The following COG4 variants were observed in gnomAD, a reference collection of about 807,000 sequenced individuals.
COG4 encodes component of oligomeric golgi complex 4.
Under a neutral mutation model 95.1 loss-of-function variants are expected in COG4, and 65 were observed. The ratio of observed to expected loss-of-function variants is 0.68; its 90% CI spans 0.56 to 0.84. The LOEUF (loss-of-function observed/expected upper bound fraction) is 0.84, where lower values mean the gene tolerates loss of function less well. COG4 is among the 40% of genes least tolerant of loss of function. The pLI, the probability that COG4 is intolerant of heterozygous loss-of-function variation, is 0.00. For missense variants in COG4, 1,045 were observed against 989.1 expected, an observed-to-expected ratio of 1.06 and a Z score of -0.76; for synonymous variants, 421 against 374.8, an observed-to-expected ratio of 1.12 and a Z score of -1.42.
intron 1 of COG4, among the ~76,000 whole-genome samples, chr16:70,519,959 T>C (rs1003512945): frequency 6.6e-6 from 1 of 152,146 alleles, no homozygotes; most frequent in South Asian, 2.1e-4. Flanking sequence ...TAGGAAGAAA[T>C]AAACTTTTAA....
intron 12 of COG4, among the ~76,000 whole-genome samples, chr16:70,494,221 G>A (rs190365225): frequency 7.5e-4 from 114 of 152,244 alleles, no homozygotes; most frequent in Non-Finnish European, 1.1e-3. Context: ...TGTTTCCAAG[G>A]CATTTAAGAG....
intron 1 of COG4, 185 bp downstream of exon 1, chr16:70,523,188 G>C (rs1012771777): frequency 1.1e-5 from 7 of 660,476 alleles, no homozygotes; most frequent in South Asian, 8.9e-5. Context: ...AGACAAGCTC[G>C]GCGCGTCCGA....
At chr16:70,490,433 G>C in intron 12 of COG4, 41 bp from the exon 13 acceptor site, 1 of 1,549,610 alleles carries the variant, frequency 6.5e-7, no homozygotes, top group Non-Finnish European at 8.9e-7. Flanking sequence ...CCTGCTGACT[G>C]TGCCTGCCAC....
In COG4 at chr16:70,481,376, T is replaced by G. The variant is rs2048988131; in HGVS notation, c.2218A>C (p.Ile740Leu). 1 of 1,613,224 alleles carries G rather than the reference T, an allele frequency of 6.2e-7. No individual in the cohort carries two copies. Among genetic ancestry groups the G allele is most frequent in the Middle Eastern group, 1.7e-4 (1 of 6,060 alleles). Residue 740 changes from isoleucine to leucine, a missense_variant, in exon 18 of 19, where the codon ATC (isoleucine) becomes CTC (leucine). Ile to Leu is a conservative substitution (Grantham distance 5). Coordinates refer to ENST00000323786, the MANE Select transcript of COG4 (RefSeq NM_015386.3). ...CCACCTACCCGCTCCAGATTGAGGATGGTGGCCATCTGGGAGAGCCGGGCA... is the reference window on the plus strand; with the variant it reads ...CCACCTACCCGCTCCAGATTGAGGAGGGTGGCCATCTGGGAGAGCCGGGCA... ...KFARLSQMATILNLERVTEIL... is the reference protein window; with the variant it reads ...KFARLSQMATLLNLERVTEIL...
At chr16:70,502,922 G>C (rs1011337469) in intron 8 of COG4, among the ~76,000 whole-genome samples, 1 of 152,192 alleles carries the variant, frequency 6.6e-6, no homozygotes, top group African/African-American at 2.4e-5. Context: ...AAACAACGAA[G>C]GGTCTTTTCA....
intron 13 of COG4, among the ~76,000 whole-genome samples, chr16:70,486,756 G>A (rs1465977356): frequency 6.6e-6 from 1 of 152,196 alleles, no homozygotes; most frequent in Non-Finnish European, 1.5e-5. Flanking sequence ...CAGCACTTTG[G>A]GAGGCCGAGG....
At chr16:70,482,687 A>AG (rs1324967379) in intron 15 of COG4, 42 bp downstream of exon 15, 1 of 1,506,152 alleles carries the variant, frequency 6.6e-7, no homozygotes, top group South Asian at 1.1e-5. Context: ...GCTAGGGATG[A>AG]GGGGTCATCG....
chr16:70,499,839 T>G (rs978800277), intron 9 of COG4, among the ~76,000 whole-genome samples: 1 of 152,082 alleles, frequency 6.6e-6, no homozygotes, highest in Admixed American at 6.6e-5. Flanking sequence ...TTTTTGTATT[T>G]TTAGTAGAGA....
At chr16:70,485,919 G>T (rs540072724) in intron 13 of COG4, among the ~76,000 whole-genome samples, 1 of 136,580 alleles carries the variant, frequency 7.3e-6, no homozygotes, top group African/African-American at 2.8e-5. Flanking sequence ...CTTTTGAGAC[G>T]GAGTCTTGCT....
At chr16:70,512,212 A>G (rs776877667) in intron 5 of COG4, 27 bp downstream of exon 5, 1 of 1,609,848 alleles carries the variant, frequency 6.2e-7, no homozygotes, top group Non-Finnish European at 8.5e-7. Context: ...CCACACAATT[A>G]TCCTGCCAAG....
At position 70,481,470 on chromosome 16, in the gene COG4, AAACTGCAGACCACCC is replaced by A; in HGVS notation, c.2109_2123del (p.Gly704_Phe708del). On this transcript the variant is annotated inframe_deletion and splice_region_variant, in exon 18 of 19. Coordinates refer to ENST00000323786, the MANE Select transcript of COG4 (RefSeq NM_015386.3). ...CAATGAGCGACCTCAGCTCCTTGTC[AAACTGCAGACCACCC>A]AGCTGCAGGAGAACCCAAGCCCAGT... 1 of 1,612,502 alleles carries A rather than the reference AAACTGCAGACCACCC, an allele frequency of 6.2e-7. No individual in the cohort carries two copies. Among genetic ancestry groups the A allele is most frequent in the Non-Finnish European group, 8.5e-7 (1 of 1,179,988 alleles).
rs753030937 is a variant in COG4 at position 70,497,941 on chromosome 16, T to C, written c.1310A>G (p.Asn437Ser). The C allele has an allele frequency of 1.2e-5, 19 of 1,565,090 alleles. No individual in the cohort carries two copies. The highest frequency in any genetic ancestry group is 1.7e-4 in the Middle Eastern group (1 of 5,980). Residue 437 changes from asparagine (N) to serine (S), a missense_variant, in exon 10 of 19, where the codon AAT (asparagine) becomes AGT (serine). Coordinates refer to ENST00000323786, the MANE Select transcript of COG4 (RefSeq NM_015386.3). Reference sequence around the variant, plus strand: ...GAGATGCGTCCTATGTCCTACCTTATTGACAGTCTCCCTCATGAAGTACTC... The same window carrying C: ...GAGATGCGTCCTATGTCCTACCTTACTGACAGTCTCCCTCATGAAGTACTC... Reference protein sequence around the residue: ...MEEYFMRETVNKAVALDTYEK... With the variant: ...MEEYFMRETVSKAVALDTYEK...
At chr16:70,516,101 T>A (rs187714956) in intron 3 of COG4, 3 of 454,510 alleles carry the variant, frequency 6.6e-6, no homozygotes, top group African/African-American at 6.0e-5. Flanking sequence ...GAGGTGATCA[T>A]GTGTTTTTTG....
Position 70,497,908 on chromosome 16 carries a change from A to G in COG4, c.1314+29T>C, listed in dbSNP as rs775266420. 2.3e-6 allele frequency: 3 copies of G among 1,332,032 alleles called. No individual in the cohort carries two copies. The African/African-American group carries it at 4.3e-5, about 19-fold the overall frequency. 82.5% of individuals were successfully genotyped at this position (1,332,032 alleles called of 1,614,324 possible). On this transcript the variant is annotated intron_variant, in intron 10 of 18. Transcript: ENST00000323786. ...CCTGGCTTCTTGGACCGGAAGCCCC[A>G]TTTCCAAGAGATGCGTCCTATGTCC...
In COG4 at chr16:70,480,941, C is replaced by G; in HGVS notation, c.*69G>C. On this transcript the variant is annotated 3_prime_UTR_variant, in exon 19 of 19. Coordinates refer to ENST00000323786, the MANE Select transcript of COG4 (RefSeq NM_015386.3). ...CCCCAAGCCAGACAGCCTCGCTCAG[C>G]TCCTTGGCTGGGGCCCCTTAGGGAA... is the stretch of plus-strand genomic sequence containing the variant. The G allele has an allele frequency of 6.3e-7, 1 of 1,590,812 alleles. No homozygotes were observed. The highest frequency in any genetic ancestry group is 8.6e-7 in the Non-Finnish European group (1 of 1,166,676).
At chr16:70,490,497 G>A (rs576084598) in intron 12 of COG4, 105 bp from the exon 13 acceptor site, 1 of 908,330 alleles carries the variant, frequency 1.1e-6, no homozygotes, top group Non-Finnish European at 1.8e-6. Flanking sequence ...TCAGAGAAGG[G>A]CTGGCTGGAG....
Position 70,496,268 on chromosome 16 carries a change from G to A in COG4, c.1645C>T (p.Leu549=). ...CTCGTGAGCTGTGGGGTACCTACCA[G>A]GAAGGACATCTTCGCCTCGTCAGTA... ...ESTDEAKMSF[L]VTLNNVEVCS... The change falls in exon 12 of 19, where the codon CTG becomes TTG. Residue 549 remains leucine (L), a splice_region_variant and synonymous_variant. Transcript: ENST00000323786. 1 of 1,614,150 alleles carries A rather than the reference G, an allele frequency of 6.2e-7. No homozygotes were observed.
At chr16:70,518,512 C>G (rs1458197586) in intron 2 of COG4, among the ~76,000 whole-genome samples, 1 of 152,136 alleles carries the variant, frequency 6.6e-6, no homozygotes. Flanking sequence ...GCGCACACCA[C>G]CATGCCCAAC....
At chr16:70,486,298 T>A (rs1451520785) in intron 13 of COG4, among the ~76,000 whole-genome samples, 1 of 152,206 alleles carries the variant, frequency 6.6e-6, no homozygotes, top group African/African-American at 2.4e-5. Flanking sequence ...GCTGCCGCAT[T>A]GCTCGTAGCC....
Sources: gnomAD v4.1 joint callset for allele counts (sites outside exome capture counted in the v4.1 genomes callset) on GRCh38, gnomAD v4.1.1 for gene constraint, MANE v1.5 for transcripts, NCBI Gene and HGNC (gene_info 2026-07-23, HGNC 2026-07-21) for gene names.